The following WDR64 variants were observed in gnomAD, a reference collection of about 807,000 sequenced individuals.
WDR64 encodes WD repeat domain 64.
In WDR64, 112 loss-of-function variants were observed where a neutral mutation model predicts 139.3. The ratio of observed to expected loss-of-function variants is 0.80; its 90% CI spans 0.69 to 0.94. The LOEUF (loss-of-function observed/expected upper bound fraction) is 0.94. Among genes scored for constraint, WDR64 ranks in the 40% least tolerant of loss-of-function variants. The pLI, the probability that WDR64 is intolerant of heterozygous loss-of-function variation, is 0.00. For synonymous variants in WDR64, 444 were observed against 437.7 expected, an observed-to-expected ratio of 1.01 and a Z score of -0.18; for missense variants, 1,206 against 1,293.1, an observed-to-expected ratio of 0.93 and a Z score of 1.03.
At chr1:241,770,789 G>A in intron 18 of WDR64, 99 bp downstream of exon 18, 1 of 1,085,550 alleles carries the variant, frequency 9.2e-7, no homozygotes, top group South Asian at 2.0e-5. Flanking sequence ...TTGATAGAAG[G>A]TAACAGTGGA....
intron 13 of WDR64, among the ~76,000 whole-genome samples, chr1:241,744,824 AC>A (rs1280278966): frequency 2.0e-5 from 3 of 152,146 alleles, no homozygotes; most frequent in Non-Finnish European, 4.4e-5. Flanking sequence ...CTATCTTTCC[AC>A]TTTTGGGTAC....
At position 241,790,783 on chromosome 1, in the gene WDR64, T is replaced by C. The variant is rs1659193419; in HGVS notation, c.2997+87T>C. 5.3e-6 allele frequency: 5 copies of C among 940,156 alleles called. No homozygotes were observed. The East Asian group carries it at 1.2e-4, about 23-fold the overall frequency. The allele number at this position is 940,156 out of a possible 1,614,324, so 58.2% of individuals were successfully genotyped here. On this transcript the variant is annotated intron_variant, in intron 25 of 27. Transcript: ENST00000437684. ...TTCTGAATTCAAATATGTCCAGTAATATAACATATTAATTTTTTATTGATG... is the reference window on the plus strand; with the variant it reads ...TTCTGAATTCAAATATGTCCAGTAACATAACATATTAATTTTTTATTGATG...
At chr1:241,736,550 C>T (rs558167802) in intron 10 of WDR64, among the ~76,000 whole-genome samples, 7 of 152,080 alleles carry the variant, frequency 4.6e-5, no homozygotes, top group South Asian at 2.1e-4. Context: ...CAAAACACTT[C>T]GGTATGACAG....
chr1:241,738,051 C>G (rs545644566), intron 10 of WDR64, among the ~76,000 whole-genome samples: 1 of 152,160 alleles, frequency 6.6e-6, no homozygotes, highest in African/African-American at 2.4e-5. Context: ...AAGTCATGAT[C>G]TTTTATTATT....
intron 8 of WDR64, among the ~76,000 whole-genome samples, chr1:241,691,208 T>C (rs1052258921): frequency 1.3e-5 from 2 of 152,126 alleles, no homozygotes; most frequent in Non-Finnish European, 2.9e-5. Context: ...AAAGTGTTTA[T>C]TTTAAAACAC....
At chr1:241,777,925 C>CTCTG (rs2148311564) in intron 21 of WDR64, among the ~76,000 whole-genome samples, 1 of 152,096 alleles carries the variant, frequency 6.6e-6, no homozygotes, top group South Asian at 2.1e-4. Context: ...GTTCTGTGGC[C>CTCTG]CAGAACATGA....
intron 10 of WDR64, among the ~76,000 whole-genome samples, chr1:241,735,530 TCTC>T (rs1366897746): frequency 1.0e-3 from 121 of 118,096 alleles, no homozygotes; most frequent in East Asian, 9.4e-3. Context: ...TCTCTCTCTC[TCTC>T]TTTTTTTTTT....
At chr1:241,755,511 C>T (rs990116971) in intron 14 of WDR64, among the ~76,000 whole-genome samples, 7 of 152,116 alleles carry the variant, frequency 4.6e-5, no homozygotes, top group Admixed American at 1.3e-4. Context: ...CTGTAGATTG[C>T]CTGTTCACTC....
chr1:241,728,838 T>C (rs1315502667), intron 10 of WDR64, among the ~76,000 whole-genome samples: 10 of 151,742 alleles, frequency 6.6e-5, no homozygotes, highest in African/African-American at 2.4e-4. Context: ...TTTTTTTCTA[T>C]GAAGGGGAGA....
chr1:241,681,938 G>C (rs1489118902), intron 6 of WDR64, among the ~76,000 whole-genome samples: 21 of 152,036 alleles, frequency 1.4e-4, no homozygotes, highest in Admixed American at 1.4e-3. Context: ...TTTGAGAACT[G>C]TCTACTCATG....
chr1:241,740,826 C>T (rs1465786463), intron 11 of WDR64, among the ~76,000 whole-genome samples: 7 of 151,930 alleles, frequency 4.6e-5, no homozygotes, highest in African/African-American at 1.7e-4. Context: ...CCACCATGCC[C>T]GGCTAATTGA....
intron 9 of WDR64, 131 bp from the exon 10 acceptor site, chr1:241,723,156 AATCACAGAAT>A (rs1171608305): frequency 9.1e-7 from 1 of 1,098,972 alleles, no homozygotes; most frequent in African/African-American, 1.6e-5. Context: ...TTAGCACATC[AATCACAGAAT>A]AATGCATCCT....
chr1:241,749,043 C>A (rs950056489), intron 13 of WDR64, among the ~76,000 whole-genome samples: 1 of 152,184 alleles, frequency 6.6e-6, no homozygotes, highest in Non-Finnish European at 1.5e-5. Flanking sequence ...AAAACCACTC[C>A]AAGCTTGGCA....
Position 241,687,449 on chromosome 1 carries a change from C to CTTAATCA in WDR64, c.840-6_840-5insATTAATC. ...CTAACATAAATCTCCCCTGCCTTTT[C>CTTAATCA]TTAATCCCCAGTGTTAAAAGGAAGC... On this transcript the variant is annotated splice_polypyrimidine_tract_variant and intron_variant, in intron 7 of 27. Coordinates refer to ENST00000437684, the MANE Select transcript of WDR64 (RefSeq NM_001367482.1). 2 of 1,612,722 alleles carry CTTAATCA rather than the reference C, an allele frequency of 1.2e-6. No individual in the cohort carries two copies. Among genetic ancestry groups the CTTAATCA allele is most frequent in the South Asian group, 1.1e-5 (1 of 90,960 alleles).
intron 23 of WDR64, among the ~76,000 whole-genome samples, chr1:241,784,088 T>A (rs1180828820): frequency 6.6e-6 from 1 of 152,338 alleles, no homozygotes; most frequent in Middle Eastern, 3.4e-3. Flanking sequence ...GCATAAAAGT[T>A]GCTGGACTGA....
Position 241,744,480 on chromosome 1 carries a change from G to C in WDR64, c.1558G>C (p.Glu520Gln). The change falls in exon 13 of 28, where the codon GAA (glutamate) becomes CAA (glutamine). Residue 520 changes from glutamate to glutamine, a missense_variant. Glu to Gln is a conservative substitution (Grantham distance 29). Transcript: ENST00000437684. Reference protein sequence around the residue: ...NTEVTSAAVDESGFLFATGAY... With the variant: ...NTEVTSAAVDQSGFLFATGAY... ...TGAAGTGACTTCTGCAGCTGTCGAT[G>C]AAAGTGGATTTCTTTTTGCCACAGG... 6.2e-7 allele frequency: 1 copy of C among 1,614,162 alleles called. No homozygotes were observed.
chr1:241,655,593 C>T (rs1463501187), intron 1 of WDR64, among the ~76,000 whole-genome samples: 3 of 152,196 alleles, frequency 2.0e-5, no homozygotes, highest in Non-Finnish European at 4.4e-5. Flanking sequence ...CTGGCATTTC[C>T]CTTCATGCAC....
chr1:241,703,720 T>C lies in WDR64; in HGVS notation c.975-8082T>C, dbSNP rs6684478. On this transcript the variant is annotated intron_variant, in intron 8 of 27. Transcript: ENST00000437684. This position sits in a 1 kb window ranked among gnomAD's most constrained non-coding sequence, Gnocchi z 5.9. The stretch of plus-strand genomic sequence containing the variant: ...CATTTTCACACTGCTATAAAGATAC[T>C]ATCTGAGACTCAATAATTTGTAAAG... Among the ~76,000 whole-genome samples, 1 of 152,062 alleles carries C rather than the reference T, an allele frequency of 6.6e-6. No homozygotes were observed. Among genetic ancestry groups the C allele is most frequent in the Non-Finnish European group, 1.5e-5 (1 of 67,996 alleles).
At chr1:241,740,561 G>A (rs1669497858) in intron 11 of WDR64, among the ~76,000 whole-genome samples, 1 of 152,018 alleles carries the variant, frequency 6.6e-6, no homozygotes. Context: ...GAAACTCAAT[G>A]CAAAATCTGC....
Sources: allele counts gnomAD v4.1 joint callset (sites outside exome capture counted in the v4.1 genomes callset), GRCh38; gene constraint gnomAD v4.1.1; non-coding constraint Gnocchi (gnomAD v3.1); transcripts MANE v1.5; gene names NCBI Gene and HGNC (gene_info 2026-07-23, HGNC 2026-07-21).